Variants in PCDH19 observed in about 807,000 individuals in gnomAD.
PCDH19 encodes protocadherin-19.
In PCDH19, 6 loss-of-function variants were observed where a neutral mutation model predicts 46.2. The observed-to-expected ratio is 0.13, with a 90% CI of 0.07 to 0.26. The LOEUF is 0.26. PCDH19 is among the 10% of genes least tolerant of loss of function. PCDH19 has a pLI of 1.00. For synonymous variants in PCDH19, 481 were observed against 415.7 expected (o/e 1.16, Z -1.91); for missense variants, 740 against 972.3 (o/e 0.76, Z 3.18).
At chrX:100,403,754 A>G (rs1319533890) in intron 1 of PCDH19, 90 bp from the exon 2 acceptor site, 4 of 826,129 alleles carry the variant, frequency 4.8e-6, no homozygotes, top group Non-Finnish European at 6.8e-6. Flanking sequence ...GAACATAAAG[A>G]GCTCAATTTA....
rs1925728111 is a variant in PCDH19, at chrX:100,327,424, C to T, written c.2848+14479G>A. On this transcript the variant is annotated intron_variant, in intron 5 of 5. Transcript: ENST00000373034. ...CTTAGCCACTATGATGTTCTGCCTG[C>T]CTTTGTATTTACAGGCAGACTAATG... Among the ~76,000 whole-genome samples, 4 of 111,967 alleles carry T rather than the reference C, an allele frequency of 3.6e-5. No homozygotes were observed. In the South Asian group the frequency reaches 1.5e-3, roughly 42 times the overall value.
chrX:100,410,098 G>C lies in PCDH19; in HGVS notation c.-1501C>G, dbSNP rs1329028593. On this transcript the variant is annotated 5_prime_UTR_variant, in exon 1 of 6. Transcript: ENST00000373034. The stretch of plus-strand genomic sequence containing the variant: ...AATCGCTCAGCCGGAATGCTGCGGA[G>C]CGCAACGCGCCAAGGGCCAGCGCCG... The C allele has an allele frequency of 3.4e-6, 1 of 295,769 alleles. No homozygotes were observed. Among genetic ancestry groups the C allele is most frequent in the African/African-American group, 2.8e-5 (1 of 36,262 alleles). 24.4% of individuals were successfully genotyped at this position (295,769 alleles called of 1,213,427 possible).
intron 5 of PCDH19, 92 bp downstream of exon 5, chrX:100,341,811 T>A (rs1232258423): frequency 2.5e-6 from 2 of 798,281 alleles, no homozygotes; most frequent in Non-Finnish European, 3.8e-6. Context: ...ACCTTGATAA[T>A]ACACTCATTA....
intron 3 of PCDH19, among the ~76,000 whole-genome samples, chrX:100,380,542 A>G (rs775571201): frequency 8.9e-6 from 1 of 112,175 alleles, no homozygotes; most frequent in African/African-American, 3.2e-5. Context: ...AATAGCATAG[A>G]ATGAAATAAA....
chrX:100,370,999 G>A lies in PCDH19; in HGVS notation c.2617-20295C>T, dbSNP rs1326712170. Among the ~76,000 whole-genome samples, 5 of 98,920 alleles carry A rather than the reference G, an allele frequency of 5.1e-5. No homozygotes were observed. In the East Asian group the frequency reaches 2.3e-3, roughly 46 times the overall value. 85.9% of individuals were successfully genotyped at this position (98,920 alleles called of 115,157 possible). ...AATACAACAGTGTGTGTGCATGTGT[G>A]TGTGTGTGTGTGTGTGTGTGTGTGT... On this transcript the variant is annotated intron_variant, in intron 3 of 5. Transcript: ENST00000373034.
intron 4 of PCDH19, among the ~76,000 whole-genome samples, chrX:100,346,669 C>G (rs1321581992): frequency 8.9e-6 from 1 of 112,240 alleles, no homozygotes; most frequent in Admixed American, 9.4e-5. Flanking sequence ...AGGCACCATA[C>G]GAAGTGCTGG....
At chrX:100,405,717 G>C (rs775520657) in intron 1 of PCDH19, among the ~76,000 whole-genome samples, 4 of 110,967 alleles carry the variant, frequency 3.6e-5, no homozygotes, top group African/African-American at 1.3e-4. Context: ...AACTCTAGAA[G>C]ATTGCTATTT....
chrX:100,311,403 G>T (rs1227771904), intron 5 of PCDH19, among the ~76,000 whole-genome samples: 1 of 111,132 alleles, frequency 9.0e-6, no homozygotes, highest in Non-Finnish European at 1.9e-5. Context: ...ACTGTTGAAT[G>T]GAACAAAAAG....
Position 100,332,676 on chromosome X carries a change from C to T in PCDH19, c.2848+9227G>A, listed in dbSNP as rs748971992. Among the ~76,000 whole-genome samples, 3 of 111,457 alleles carry T rather than the reference C, an allele frequency of 2.7e-5. No homozygotes were observed. In the South Asian group the frequency reaches 1.1e-3, roughly 42 times the overall value. On this transcript the variant is annotated intron_variant, in intron 5 of 5. Coordinates refer to ENST00000373034, the MANE Select transcript of PCDH19 (RefSeq NM_001184880.2). ...ATGTTTAGATTTATCATTTCCCATCCTGATAAGAGTTTATGGCTCTTAATC... is the reference window on the plus strand; with the variant it reads ...ATGTTTAGATTTATCATTTCCCATCTTGATAAGAGTTTATGGCTCTTAATC...
chrX:100,374,862 C>T (rs1484059633), intron 3 of PCDH19, among the ~76,000 whole-genome samples: 2 of 110,826 alleles, frequency 1.8e-5, no homozygotes, highest in Admixed American at 9.6e-5. Context: ...TGGCATACAC[C>T]TGGGAGGCGG....
At position 100,296,597 on chromosome X, in the gene PCDH19, T is replaced by A. The variant is rs189342249; in HGVS notation, c.3127A>T (p.Ile1043Phe). 53 of 1,209,621 alleles carry A rather than the reference T, an allele frequency of 4.4e-5. No homozygotes were observed. The South Asian group carries it at 4.6e-4, about 10-fold the overall frequency. The change falls in exon 6 of 6, where the codon ATC becomes TTC. Residue 1043 changes from isoleucine (I) to phenylalanine (F), a missense_variant. Coordinates refer to ENST00000373034, the MANE Select transcript of PCDH19 (RefSeq NM_001184880.2). Reference sequence around the variant, plus strand: ...ACGCTGTTGACCTTGGGGCTGCAGATGGTCACATCGACAGTCCTCTTGCCT... The same window carrying A: ...ACGCTGTTGACCTTGGGGCTGCAGAAGGTCACATCGACAGTCCTCTTGCCT... ...LKGKRTVDVT[I>F]CSPKVNSVIR...
chrX:100,372,215 G>T (rs1225940347), intron 3 of PCDH19, among the ~76,000 whole-genome samples: 1 of 111,632 alleles, frequency 9.0e-6, no homozygotes, highest in Non-Finnish European at 1.9e-5. Context: ...CAACCTGGGT[G>T]ACAGAGCAAG....
At chrX:100,310,095 G>T (rs1465312806) in intron 5 of PCDH19, among the ~76,000 whole-genome samples, 1 of 112,032 alleles carries the variant, frequency 8.9e-6, no homozygotes, top group Non-Finnish European at 1.9e-5. Context: ...CAAAGCAATT[G>T]AATTATCTTC....
At chrX:100,364,484 T>C (rs961621241) in intron 3 of PCDH19, among the ~76,000 whole-genome samples, 2 of 111,934 alleles carry the variant, frequency 1.8e-5, no homozygotes, top group African/African-American at 3.3e-5. Context: ...ATTTCCATCA[T>C]CACAGAAAGT....
At chrX:100,397,895 A>G (rs888714937) in intron 3 of PCDH19, among the ~76,000 whole-genome samples, 2 of 111,818 alleles carry the variant, frequency 1.8e-5, no homozygotes, top group African/African-American at 6.5e-5. Context: ...GACTATTTTT[A>G]GAAAGATCTT....
chrX:100,378,383 T>C, intron 3 of PCDH19, among the ~76,000 whole-genome samples: 1 of 112,890 alleles, frequency 8.9e-6, no homozygotes, highest in Non-Finnish European at 1.9e-5. Context: ...TGAGTAATCA[T>C]TCTACTTTTA....
chrX:100,298,591 A>G (rs775466401), intron 5 of PCDH19, among the ~76,000 whole-genome samples: 6 of 111,633 alleles, frequency 5.4e-5, no homozygotes, highest in African/African-American at 2.0e-4. Context: ...CCTAGTTAGG[A>G]CAATGTTTCT....
rs764841258 is a variant in PCDH19, at chrX:100,407,509, G to A, written c.1089C>T (p.Pro363=). The A allele has an allele frequency of 8.3e-7, 1 of 1,211,597 alleles. No homozygotes were observed. Among genetic ancestry groups the A allele is most frequent in the Admixed American group, 2.2e-5 (1 of 46,163 alleles). The change falls in exon 1 of 6, where the codon CCC becomes CCT. Residue 363 remains proline (P), a synonymous_variant. Transcript: ENST00000373034. ...SELVEVSESA[P]PGYVIALVRV... ...GCACCAAGGCGATCACGTAGCCCGG[G>A]GGGGCGCTCTCGCTGACCTCCACAA...
intron 5 of PCDH19, among the ~76,000 whole-genome samples, chrX:100,309,260 T>C (rs1295241562): frequency 9.0e-6 from 1 of 111,549 alleles, no homozygotes; most frequent in Non-Finnish European, 1.9e-5. Flanking sequence ...GAGACTATTA[T>C]TTTAAGTGAA....
Sources: allele counts gnomAD v4.1 joint callset (sites outside exome capture counted in the v4.1 genomes callset), GRCh38; gene constraint gnomAD v4.1.1; transcripts MANE v1.5; gene names NCBI Gene and HGNC (gene_info 2026-07-23, HGNC 2026-07-21).